The following EPHB1 variants were observed in gnomAD, a reference collection of about 807,000 sequenced individuals.
The protein encoded by EPHB1 is ephrin type-B receptor 1.
In EPHB1, 30 loss-of-function variants were observed where a neutral mutation model predicts 94.4. The observed-to-expected ratio is 0.32, with a 90% confidence interval of 0.24 to 0.43. The LOEUF (loss-of-function observed/expected upper bound fraction) is 0.43. EPHB1 is among the 20% of genes least tolerant of loss of function. EPHB1 has a pLI of 1.00. For missense variants in EPHB1, 1,055 were observed against 1,308.3 expected, an observed-to-expected ratio of 0.81 and a Z score of 2.99; for synonymous variants, 522 against 489.1, an observed-to-expected ratio of 1.07 and a Z score of -0.89.
intron 15 of EPHB1, among the ~76,000 whole-genome samples, chr3:135,257,894 G>A (rs951058737): frequency 6.6e-6 from 1 of 151,664 alleles, no homozygotes; most frequent in African/African-American, 2.4e-5. Context: ...CTCCGAGCCA[G>A]GTGTGGGATA....
intron 4 of EPHB1, among the ~76,000 whole-genome samples, chr3:135,111,753 C>T (rs945513659): frequency 6.6e-6 from 1 of 152,192 alleles, no homozygotes; most frequent in Non-Finnish European, 1.5e-5. Flanking sequence ...GATCTCAGCT[C>T]GCTGCAACCT....
At chr3:135,090,800 C>G (rs1938524295) in intron 3 of EPHB1, among the ~76,000 whole-genome samples, 1 of 152,216 alleles carries the variant, frequency 6.6e-6, no homozygotes, top group Admixed American at 6.5e-5. Flanking sequence ...GAATTTCAGC[C>G]TCAAAGCTTT....
At chr3:134,844,915 T>G (rs779654415) in intron 1 of EPHB1, among the ~76,000 whole-genome samples, 3 of 152,226 alleles carry the variant, frequency 2.0e-5, no homozygotes, top group Non-Finnish European at 4.4e-5. Flanking sequence ...TTCCTGGCTG[T>G]GGAGTCCCTG....
chr3:134,884,252 G>T (rs1450279512), intron 1 of EPHB1, among the ~76,000 whole-genome samples: 1 of 152,250 alleles, frequency 6.6e-6, no homozygotes, highest in Non-Finnish European at 1.5e-5. Flanking sequence ...AGCATGTTCA[G>T]AGAGCAGGGA....
rs1401718658 is a variant in EPHB1 at position 135,005,272 on chromosome 3, G to A, written c.805+53220G>A. Among the ~76,000 whole-genome samples, 11 of 152,150 alleles carry A rather than the reference G, an allele frequency of 7.2e-5. No homozygotes were observed. The East Asian group carries it at 1.7e-3, about 24-fold the overall frequency. The stretch of plus-strand genomic sequence containing the variant: ...GGGTGCCTCCCAGTTAGGCTGGTCA[G>A]GGGTCAGGGTCAGGGACCCACTTGA... On this transcript the variant is annotated intron_variant, in intron 3 of 15. Transcript: ENST00000398015.
At chr3:135,147,674 G>A (rs1347179636) in intron 5 of EPHB1, among the ~76,000 whole-genome samples, 1 of 152,230 alleles carries the variant, frequency 6.6e-6, no homozygotes, top group Non-Finnish European at 1.5e-5. Context: ...GTGTTGGGGA[G>A]GCAGATGGCC....
intron 3 of EPHB1, among the ~76,000 whole-genome samples, chr3:134,967,915 C>T (rs1933824748): frequency 6.6e-6 from 1 of 152,214 alleles, no homozygotes; most frequent in South Asian, 2.1e-4. Flanking sequence ...CAGGAGTCCA[C>T]ACTCAGTGGA....
intron 3 of EPHB1, among the ~76,000 whole-genome samples, chr3:134,989,661 T>C (rs1934728632): frequency 6.6e-6 from 1 of 152,188 alleles, no homozygotes; most frequent in African/African-American, 2.4e-5. Context: ...TAGAAAGATG[T>C]GATCACGGTA....
intron 3 of EPHB1, among the ~76,000 whole-genome samples, chr3:135,010,229 A>T (rs756339294): frequency 7.2e-5 from 11 of 152,200 alleles, no homozygotes; most frequent in Non-Finnish European, 1.5e-4. Flanking sequence ...AGTAAAGATG[A>T]GATTTATTCA....
intron 2 of EPHB1, among the ~76,000 whole-genome samples, chr3:134,946,684 C>T (rs1045169198): frequency 6.6e-6 from 1 of 152,126 alleles, no homozygotes; most frequent in East Asian, 1.9e-4. Flanking sequence ...TGATGGTCTC[C>T]TTATGGTAAT....
At chr3:134,919,229 A>C (rs2038629177) in intron 1 of EPHB1, among the ~76,000 whole-genome samples, 1 of 152,236 alleles carries the variant, frequency 6.6e-6, no homozygotes, top group South Asian at 2.1e-4. Context: ...GCTGGGCCCC[A>C]GGGAAGTTTG....
At chr3:134,804,065 T>C (rs2035985027) in intron 1 of EPHB1, among the ~76,000 whole-genome samples, 1 of 135,982 alleles carries the variant, frequency 7.4e-6, no homozygotes, top group South Asian at 2.4e-4. Flanking sequence ...GTGGTCATTA[T>C]TGGCTATTTT....
intron 1 of EPHB1, chr3:134,852,394 AG>A (rs59277048): frequency 0.87 from 132,426 of 152,172 alleles, 58,343 homozygotes; most frequent in Non-Finnish European, 0.93. Flanking sequence ...GCAGGAGAGA[AG>A]GGGCAGAGGG....
At chr3:135,122,390 T>A (rs759874617) in intron 4 of EPHB1, among the ~76,000 whole-genome samples, 2 of 152,182 alleles carry the variant, frequency 1.3e-5, no homozygotes, top group African/African-American at 2.4e-5. Flanking sequence ...AAGCCATGTC[T>A]TTAAGATGAC....
chr3:134,818,248 T>G (rs2036308008), intron 1 of EPHB1, among the ~76,000 whole-genome samples: 2 of 152,202 alleles, frequency 1.3e-5, no homozygotes, highest in Admixed American at 1.3e-4. Flanking sequence ...AGCCAGCTCT[T>G]GGATAATGAG....
At chr3:134,977,937 T>C (rs748532441) in intron 3 of EPHB1, 1 of 455,914 alleles carries the variant, frequency 2.2e-6, no homozygotes, top group South Asian at 1.6e-5. Flanking sequence ...ACTTGCCTGA[T>C]GCCATCCATT....
intron 3 of EPHB1, among the ~76,000 whole-genome samples, chr3:135,097,132 C>T (rs1170157026): frequency 6.9e-6 from 1 of 144,820 alleles, no homozygotes; most frequent in African/African-American, 2.5e-5. Context: ...AAATTACATT[C>T]GGAATTAGGC....
intron 3 of EPHB1, among the ~76,000 whole-genome samples, chr3:135,017,081 T>A (rs1248403499): frequency 6.6e-6 from 1 of 152,192 alleles, no homozygotes; most frequent in Non-Finnish European, 1.5e-5. Flanking sequence ...TGAAAATACG[T>A]GATGCTTATG....
At chr3:134,915,760 C>T (rs2038555618) in intron 1 of EPHB1, among the ~76,000 whole-genome samples, 2 of 152,142 alleles carry the variant, frequency 1.3e-5, no homozygotes, top group South Asian at 2.1e-4. Flanking sequence ...CTGGTGGGTT[C>T]GTGGTCTCAA....
Sources: gnomAD v4.1 joint callset for allele counts (sites outside exome capture counted in the v4.1 genomes callset) on GRCh38, gnomAD v4.1.1 for gene constraint, MANE v1.5 for transcripts, NCBI Gene and HGNC (gene_info 2026-07-23, HGNC 2026-07-21) for gene names.